The following IL2RB variants were observed in gnomAD, a reference collection of about 807,000 sequenced individuals.
The protein encoded by IL2RB is interleukin 2 receptor subunit beta, also known as interleukin-2 receptor subunit beta.
In IL2RB, 17 loss-of-function variants were observed where a neutral mutation model predicts 44.2. The ratio of observed to expected loss-of-function variants is 0.38; its 90% CI spans 0.26 to 0.58. IL2RB has a LOEUF of 0.58. IL2RB is among the 20% of genes least tolerant of loss of function. The pLI, the probability that IL2RB is intolerant of heterozygous loss-of-function variation, is 0.63. For missense variants in IL2RB, 624 were observed against 685.5 expected (o/e 0.91, Z 1.00); for synonymous variants, 286 against 297.9 (o/e 0.96, Z 0.41).
chr22:37,131,822 C>T (rs1012692208), intron 9 of IL2RB, among the ~76,000 whole-genome samples: 5 of 151,988 alleles, frequency 3.3e-5, no homozygotes, highest in South Asian at 2.1e-4. Flanking sequence ...CTGTAACCTC[C>T]GCCTCCTGGG....
At chr22:37,159,054 G>A (rs1922772351) in intron 1 of IL2RB, among the ~76,000 whole-genome samples, 1 of 152,224 alleles carries the variant, frequency 6.6e-6, no homozygotes, top group African/African-American at 2.4e-5. Context: ...CGCTTTTCCT[G>A]TGGGAAACAG....
chr22:37,143,918 T>TGC (rs58875564), intron 2 of IL2RB, among the ~76,000 whole-genome samples, 167 bp downstream of exon 2: 3 of 108,458 alleles, frequency 2.8e-5, no homozygotes, highest in African/African-American at 5.1e-5. Context: ...TGTGTGTGTG[T>TGC]GCGCGCATTC....
chr22:37,172,060 C>CAGAT (rs3076507), intron 1 of IL2RB, among the ~76,000 whole-genome samples: 96,322 of 151,554 alleles, frequency 0.64, 34,615 homozygotes, highest in Non-Finnish European at 0.81. Flanking sequence ...GCTCCTGGGA[C>CAGAT]AGATGCTCGG....
chr22:37,132,340 C>T (rs746841792), intron 9 of IL2RB, 44 bp downstream of exon 9: 8 of 1,517,082 alleles, frequency 5.3e-6, no homozygotes, highest in East Asian at 4.5e-5. Context: ...CCTCATCCCA[C>T]TCACACCCCT....
chr22:37,174,997 C>T (rs1051938375), exon 1 of IL2RB: 3 of 152,388 alleles, frequency 2.0e-5, no homozygotes, highest in South Asian at 2.0e-4. Context: ...AACTTACAAT[C>T]GTGGTGGAAG....
chr22:37,166,884 G>T (rs1275470629), intron 1 of IL2RB: 3 of 152,106 alleles, frequency 2.0e-5, no homozygotes, highest in African/African-American at 7.2e-5. Context: ...CAGCATGAGG[G>T]CAGACCAAGG....
rs1415121012 is a variant in IL2RB at position 37,128,391 on chromosome 22, C to T, written c.1361G>A (p.Arg454Lys). 3 of 1,510,728 alleles carry T rather than the reference C, an allele frequency of 2.0e-6. No individual in the cohort carries two copies. Among genetic ancestry groups the T allele is most frequent in the Non-Finnish European group, 2.7e-6 (3 of 1,130,784 alleles). The allele number at this position is 1,510,728 out of a possible 1,614,324, so 93.6% of individuals were successfully genotyped here. The change falls in exon 10 of 10, where the codon AGG becomes AAG. Residue 454 changes from arginine (R) to lysine (K), a missense_variant. Arg to Lys is a conservative substitution (Grantham distance 26). Around this residue, in one of 3 missense-constraint regions of IL2RB, gnomAD observed 291 missense variants for 275.5 expected, o/e 1.06. Transcript: ENST00000216223. This position sits in a 1 kb window ranked among gnomAD's most constrained non-coding sequence, Gnocchi z 4.5. ...TCTTTCTTGCAAAGAAGGGGGCATC[C>T]TCTCTTCACCGGCCCCACTGCCCCC... ...APGGSGAGEERMPPSLQERVP... is the reference protein window; with the variant it reads ...APGGSGAGEEKMPPSLQERVP...
At chr22:37,155,534 C>T (rs1278589347) in intron 1 of IL2RB, among the ~76,000 whole-genome samples, 10 of 152,236 alleles carry the variant, frequency 6.6e-5, no homozygotes, top group African/African-American at 1.9e-4. Context: ...GCTGAGCCTG[C>T]TCTTCCCTTG....
chr22:37,145,550 C>CCT (rs1922182307), intron 1 of IL2RB, among the ~76,000 whole-genome samples: 1 of 152,054 alleles, frequency 6.6e-6, no homozygotes, highest in Admixed American at 6.5e-5. Flanking sequence ...CTGCCCCCAC[C>CCT]CTCTGCAGGG....
At chr22:37,145,091 G>A (rs530354669) in intron 1 of IL2RB, among the ~76,000 whole-genome samples, 5 of 150,968 alleles carry the variant, frequency 3.3e-5, no homozygotes, top group Admixed American at 6.6e-5. Flanking sequence ...ACTGTCCCTC[G>A]AGGGAGCTGA....
At chr22:37,131,288 A>G (rs1468360676) in intron 9 of IL2RB, among the ~76,000 whole-genome samples, 2 of 152,202 alleles carry the variant, frequency 1.3e-5, no homozygotes, top group East Asian at 1.9e-4. Context: ...CTCCAAAGCC[A>G]GGTCATGACA....
At chr22:37,132,565 C>T (rs1921488856) in intron 8 of IL2RB, 97 bp from the exon 9 acceptor site, 4 of 825,186 alleles carry the variant, frequency 4.8e-6, no homozygotes, top group African/African-American at 1.7e-5. Context: ...GGCACGGAGC[C>T]GCACCACATT....
chr22:37,137,103 T>C (rs228956), intron 6 of IL2RB, among the ~76,000 whole-genome samples: 7,410 of 152,272 alleles, frequency 0.049, 500 homozygotes, highest in East Asian at 0.18. Context: ...CAGTCTGAGA[T>C]TCCTGAGAGT....
intron 1 of IL2RB, among the ~76,000 whole-genome samples, chr22:37,167,956 A>T (rs1923138765): frequency 6.6e-6 from 1 of 152,238 alleles, no homozygotes; most frequent in Admixed American, 6.5e-5. Context: ...TCCCCTTTGC[A>T]TGAGTTCAGT....
At chr22:37,162,585 G>A (rs1922918683) in intron 1 of IL2RB, among the ~76,000 whole-genome samples, 1 of 152,196 alleles carries the variant, frequency 6.6e-6, no homozygotes, top group Non-Finnish European at 1.5e-5. Flanking sequence ...CATGTTTGGT[G>A]AGTGGCTGGT....
At chr22:37,142,601 G>A in intron 3 of IL2RB, 89 bp from the exon 4 acceptor site, 1 of 1,354,260 alleles carries the variant, frequency 7.4e-7, no homozygotes, top group Non-Finnish European at 1.1e-6. Flanking sequence ...CTGCTGCCAG[G>A]ATGGCACCAG....
chr22:37,163,525 G>A (rs948232176), intron 1 of IL2RB, among the ~76,000 whole-genome samples: 3 of 152,206 alleles, frequency 2.0e-5, no homozygotes, highest in Non-Finnish European at 4.4e-5. Context: ...ACTGGCTTGG[G>A]TTGGATGATC....
In IL2RB at chr22:37,144,096, G is replaced by A. The variant is rs761189356; in HGVS notation, c.77C>T (p.Ala26Val). The change falls in exon 2 of 10, where the codon GCA becomes GTA. Residue 26 changes from alanine to valine, a missense_variant. Transcript: ENST00000216223. ...LLPLATSWASAAVNGTSQFTC... is the reference protein window; with the variant it reads ...LLPLATSWASVAVNGTSQFTC... ...GTCAGGGTCCTCACCATTCACCGCT[G>A]CAGATGCCCAAGAGGTAGCCAGGGG... is the stretch of plus-strand genomic sequence containing the variant. 3.9e-6 allele frequency: 6 copies of A among 1,552,362 alleles called. No homozygotes were observed. In the Admixed American group the frequency reaches 1.2e-4, roughly 30 times the overall value.
In IL2RB at chr22:37,141,557, G is replaced by C. The variant is rs1921969115; in HGVS notation, c.282+877C>G. Among the ~76,000 whole-genome samples the C allele has an allele frequency of 6.6e-6, 1 of 151,878 alleles. No individual in the cohort carries two copies. The highest frequency in any genetic ancestry group is 2.4e-5 in the African/African-American group (1 of 41,346). ...GAGCTCTCCTGGGGCAGCTGCAGCT[G>C]CCCAAGCCAGGACCCAGGCATCTCT... is the stretch of plus-strand genomic sequence containing the variant. On this transcript the variant is annotated intron_variant, in intron 4 of 9. Coordinates refer to ENST00000216223, the MANE Select transcript of IL2RB (RefSeq NM_000878.5). This position sits in a 1 kb window ranked among gnomAD's most constrained non-coding sequence, Gnocchi z 4.4.
Sources: allele counts gnomAD v4.1 joint callset (sites outside exome capture counted in the v4.1 genomes callset), GRCh38; gene constraint gnomAD v4.1.1; regional missense constraint gnomAD v4.1.1; non-coding constraint Gnocchi (gnomAD v3.1); transcripts MANE v1.5; gene names NCBI Gene and HGNC (gene_info 2026-07-23, HGNC 2026-07-21).